TOM1L1: variants seen among roughly 807,000 people sequenced by gnomAD.
The protein encoded by TOM1L1 is TOM1-like protein 1.
A neutral mutation model predicts 63.4 loss-of-function variants in TOM1L1; 64 were observed. The ratio of observed to expected loss-of-function variants is 1.01; its 90% CI spans 0.83 to 1.24. The LOEUF is 1.24. Ranked by LOEUF, TOM1L1 falls within the 50% of genes most tolerant of loss-of-function variation. TOM1L1 has a pLI of 0.00. For missense variants in TOM1L1, 536 were observed against 567.0 expected, an observed-to-expected ratio of 0.95 and a Z score of 0.55; for synonymous variants, 166 against 194.4, an observed-to-expected ratio of 0.85 and a Z score of 1.22.
At chr17:54,938,673 ACTT>A (rs1378674005) in intron 10 of TOM1L1, 4 of 360,984 alleles carry the variant, frequency 1.1e-5, no homozygotes, top group East Asian at 5.4e-5. Context: ...CCTTACAACA[ACTT>A]CTTCTCATGG....
intron 4 of TOM1L1, 108 bp from the exon 5 acceptor site, chr17:54,913,640 C>T (rs1328253568): frequency 8.2e-6 from 10 of 1,214,600 alleles, no homozygotes; most frequent in East Asian, 3.6e-5. Context: ...CACTCCAGCC[C>T]GGGCAATAGT....
chr17:54,940,508 A>C (rs980285051), intron 11 of TOM1L1, among the ~76,000 whole-genome samples: 2 of 152,226 alleles, frequency 1.3e-5, no homozygotes, highest in African/African-American at 4.8e-5. Flanking sequence ...ACACACAGTT[A>C]GGTGTTTACA....
At chr17:54,920,009 TTA>T (rs1400697333) in intron 7 of TOM1L1, among the ~76,000 whole-genome samples, 141 of 129,544 alleles carry the variant, frequency 1.1e-3, no homozygotes, top group African/African-American at 3.6e-3. Flanking sequence ...TTTATTTATT[TTA>T]TTTATTCATT....
At chr17:54,935,845 G>A (rs1053428654) in intron 8 of TOM1L1, among the ~76,000 whole-genome samples, 2 of 152,060 alleles carry the variant, frequency 1.3e-5, no homozygotes, top group African/African-American at 2.4e-5. Context: ...AGTGAAGGCC[G>A]GGCGCGGTGG....
intron 14 of TOM1L1, chr17:54,953,585 GC>G (rs2049343429): frequency 6.6e-6 from 1 of 152,270 alleles, no homozygotes; most frequent in Admixed American, 6.5e-5. Context: ...CATCCTTTCT[GC>G]TTCCAGTAAG....
chr17:54,932,141 G>A (rs1463850743), intron 8 of TOM1L1, among the ~76,000 whole-genome samples: 2 of 151,918 alleles, frequency 1.3e-5, no homozygotes, highest in East Asian at 1.9e-4. Flanking sequence ...GGGTTTATTC[G>A]GCCAGGGGCA....
intron 14 of TOM1L1, among the ~76,000 whole-genome samples, chr17:54,960,035 T>A (rs1220107912): frequency 1.3e-5 from 2 of 152,182 alleles, no homozygotes; most frequent in African/African-American, 4.8e-5. Flanking sequence ...ATTAATTGGT[T>A]CTATGAAATA....
intron 7 of TOM1L1, among the ~76,000 whole-genome samples, chr17:54,927,529 G>A (rs2048788265): frequency 6.6e-6 from 1 of 152,182 alleles, no homozygotes; most frequent in Non-Finnish European, 1.5e-5. Context: ...TTGCTCCAAA[G>A]ACTTTTGAAT....
At chr17:54,955,389 G>T (rs1307428794) in intron 14 of TOM1L1, among the ~76,000 whole-genome samples, 1 of 152,140 alleles carries the variant, frequency 6.6e-6, no homozygotes, top group Non-Finnish European at 1.5e-5. Context: ...TGTAACCTTT[G>T]TATCACTGCA....
intron 12 of TOM1L1, among the ~76,000 whole-genome samples, chr17:54,948,231 C>T (rs1598053673): frequency 6.6e-6 from 1 of 152,066 alleles, no homozygotes; most frequent in Non-Finnish European, 1.5e-5. Context: ...CCCTTCGCAT[C>T]CCTCCCACCC....
chr17:54,944,108 G>C (rs2049078588), intron 11 of TOM1L1, among the ~76,000 whole-genome samples: 1 of 151,894 alleles, frequency 6.6e-6, no homozygotes, highest in African/African-American at 2.4e-5. Flanking sequence ...ACCACTAACA[G>C]ATGATGCTGT....
rs1324492572 is a variant in TOM1L1, at chr17:54,924,971, AGAGGCTATTCTC to A, written c.721-5088_721-5077del. 2.0e-4 allele frequency among the ~76,000 whole-genome samples: 31 copies of A among 152,318 alleles called. No individual in the cohort carries two copies. The South Asian group carries it at 2.7e-3, about 13-fold the overall frequency. On this transcript the variant is annotated intron_variant, in intron 7 of 15. Transcript: ENST00000575882. ...ATATTCTAATTCAGGGTTGTCTTCT[AGAGGCTATTCTC>A]GAGGCTATTCTCGTCCCTTGACCTA...
chr17:54,909,929 CT>C (rs2048470715), intron 3 of TOM1L1, among the ~76,000 whole-genome samples: 1 of 152,118 alleles, frequency 6.6e-6, no homozygotes, highest in South Asian at 2.1e-4. Flanking sequence ...GGTTTTATTA[CT>C]TATCTGAGTG....
At chr17:54,915,532 T>C (rs1219541937) in intron 6 of TOM1L1, among the ~76,000 whole-genome samples, 1 of 152,158 alleles carries the variant, frequency 6.6e-6, no homozygotes, top group African/African-American at 2.4e-5. Flanking sequence ...TATTTTGGGG[T>C]TTATTACAAG....
Position 54,915,825 on chromosome 17 carries a change from C to T in TOM1L1, c.683C>T (p.Pro228Leu), listed in dbSNP as rs760404329. 4.3e-6 allele frequency: 7 copies of T among 1,613,766 alleles called. No individual in the cohort carries two copies. Among genetic ancestry groups the T allele is most frequent in the South Asian group, 1.1e-5 (1 of 91,044 alleles). Residue 228 changes from proline (P) to leucine (L), a missense_variant, in exon 7 of 16, where the codon CCT becomes CTT. Physicochemically the swap from Pro to Leu is moderately conservative, Grantham distance 98. Coordinates refer to ENST00000575882, the MANE Select transcript of TOM1L1 (RefSeq NM_005486.3). ...VMSAILMENT[P>L]GSENHEDIEL... is the part of the protein sequence containing the mutation. Reference sequence around the variant, plus strand: ...TCCGCCATATTGATGGAGAATACTCCTGGGTCTGAAAACCATGAAGACATA... The same window carrying T: ...TCCGCCATATTGATGGAGAATACTCTTGGGTCTGAAAACCATGAAGACATA...
chr17:54,960,134 G>A (rs59409788), intron 14 of TOM1L1, among the ~76,000 whole-genome samples: 44,392 of 151,596 alleles, frequency 0.29, 6,764 homozygotes, highest in African/African-American at 0.35. Flanking sequence ...AGGCCGAGGC[G>A]GGTGGATCAC....
chr17:54,931,962 TTGTTTGTTTGTTTG>T (rs2048868587), intron 8 of TOM1L1, among the ~76,000 whole-genome samples: 1 of 80,938 alleles, frequency 1.2e-5, no homozygotes, highest in African/African-American at 4.8e-5. Flanking sequence ...TTTTTTTTGT[TTGTTTGTTTGTTTG>T]TTTTTTTGAG....
chr17:54,906,783 G>C (rs757363013), intron 3 of TOM1L1: 53 of 985,372 alleles, frequency 5.4e-5, no homozygotes, highest in Non-Finnish European at 5.7e-5. Context: ...CTTCAGTCAC[G>C]TTGGTGAGTT....
chr17:54,911,757 C>T (rs527386126), intron 3 of TOM1L1, among the ~76,000 whole-genome samples: 1 of 152,278 alleles, frequency 6.6e-6, no homozygotes, highest in African/African-American at 2.4e-5. Flanking sequence ...TTTCTTCTCC[C>T]TCCGCTTGCC....
Sources: gnomAD v4.1 joint callset for allele counts (sites outside exome capture counted in the v4.1 genomes callset) on GRCh38, gnomAD v4.1.1 for gene constraint, MANE v1.5 for transcripts, NCBI Gene and HGNC (gene_info 2026-07-23, HGNC 2026-07-21) for gene names.